The following PLPPR1 variants were observed in gnomAD, a reference collection of about 807,000 sequenced individuals.
The protein encoded by PLPPR1 is phospholipid phosphatase related 1, also known as phospholipid phosphatase-related protein type 1.
A neutral mutation model predicts 33.1 loss-of-function variants in PLPPR1; 10 were observed. The ratio of observed to expected loss-of-function variants is 0.30; its 90% CI spans 0.19 to 0.51. The LOEUF (loss-of-function observed/expected upper bound fraction) is 0.51. PLPPR1 is among the 20% of genes least tolerant of loss of function. The pLI is 0.97. For missense variants in PLPPR1, 304 were observed against 408.1 expected (o/e 0.74, Z 2.20); for synonymous variants, 151 against 151.0 (o/e 1.00, Z 0.00).
At chr9:101,310,010 A>C (rs1267089175) in intron 5 of PLPPR1, among the ~76,000 whole-genome samples, 1 of 152,098 alleles carries the variant, frequency 6.6e-6, no homozygotes, top group Non-Finnish European at 1.5e-5. Flanking sequence ...GAAAAACCTC[A>C]ACACCCCAGA....
intron 2 of PLPPR1, among the ~76,000 whole-genome samples, chr9:101,192,303 A>G (rs974824628): frequency 6.6e-6 from 1 of 152,192 alleles, no homozygotes; most frequent in Non-Finnish European, 1.5e-5. Context: ...TTTTTCTCTA[A>G]AGAAGCAAAA....
chr9:101,283,537 A>T lies in PLPPR1; in HGVS notation c.253-2567A>T, dbSNP rs571523376. On this transcript the variant is annotated intron_variant, in intron 3 of 7. Coordinates refer to ENST00000374874, the MANE Select transcript of PLPPR1 (RefSeq NM_207299.2). Reference sequence around the variant, plus strand: ...AAAATGGATTAAATACTTAATTGTAATACCTAAAGCAATGAGGTCTTACAT... The same window carrying T: ...AAAATGGATTAAATACTTAATTGTATTACCTAAAGCAATGAGGTCTTACAT... Among the ~76,000 whole-genome samples, 49 of 152,364 alleles carry T rather than the reference A, an allele frequency of 3.2e-4. 1 individual carries two copies. The Middle Eastern group carries it at 0.01, about 32-fold the overall frequency.
intron 1 of PLPPR1, among the ~76,000 whole-genome samples, chr9:101,091,599 A>G (rs1008031359): frequency 6.6e-6 from 1 of 152,168 alleles, no homozygotes; most frequent in African/African-American, 2.4e-5. Context: ...CATTGGGCCT[A>G]CCATGATAAT....
In PLPPR1 at chr9:101,324,302, C is replaced by T. The variant is rs7036576; in HGVS notation, c.*245C>T. The T allele has an allele frequency of 2.3e-5, 9 of 391,196 alleles. No homozygotes were observed. The highest frequency in any genetic ancestry group is 1.3e-4 in the African/African-American group (6 of 47,462). The allele number at this position is 391,196 out of a possible 1,614,324, so 24.2% of individuals were successfully genotyped here. ...AACCAACAAAATTTTCTTGTTCAAG[C>T]GTGCATTGAAGAACCACATTTATTC... On this transcript the variant is annotated 3_prime_UTR_variant, in exon 8 of 8. Coordinates refer to ENST00000374874, the MANE Select transcript of PLPPR1 (RefSeq NM_207299.2).
chr9:101,032,287 G>A (rs76072227), intron 1 of PLPPR1, among the ~76,000 whole-genome samples: 1 of 152,294 alleles, frequency 6.6e-6, no homozygotes, highest in African/African-American at 2.4e-5. Context: ...ATTTGCATTA[G>A]AGAATGATGA....
chr9:101,270,191 T>A (rs887349510), intron 3 of PLPPR1, 123 bp downstream of exon 3: 8 of 991,070 alleles, frequency 8.1e-6, no homozygotes, highest in Non-Finnish European at 1.2e-5. Context: ...GGCATCCTAT[T>A]TCAGCCAAAA....
chr9:101,288,603 C>T (rs1302965130), intron 4 of PLPPR1, among the ~76,000 whole-genome samples: 1 of 152,122 alleles, frequency 6.6e-6, no homozygotes, highest in Non-Finnish European at 1.5e-5. Context: ...TCACGCTTTC[C>T]CTCTTTTGTT....
Position 101,291,394 on chromosome 9 carries a change from T to C in PLPPR1, c.385+5158T>C, listed in dbSNP as rs529002015. Among the ~76,000 whole-genome samples, 5 of 152,308 alleles carry C rather than the reference T, an allele frequency of 3.3e-5. No individual in the cohort carries two copies. The East Asian group carries it at 9.7e-4, about 29-fold the overall frequency. On this transcript the variant is annotated intron_variant, in intron 4 of 7. Transcript: ENST00000374874. The stretch of plus-strand genomic sequence containing the variant: ...CAAACAAAAAGACAGCGGTAACCTC[T>C]GCAGACTTAAATGTCCCTGTCTGAC...
At chr9:101,276,467 C>T (rs1274424203) in intron 3 of PLPPR1, among the ~76,000 whole-genome samples, 2 of 152,036 alleles carry the variant, frequency 1.3e-5, no homozygotes, top group Admixed American at 1.3e-4. Flanking sequence ...TCAATATACC[C>T]CTCCTAATAA....
chr9:101,167,186 T>TG (rs1825872610), intron 1 of PLPPR1, among the ~76,000 whole-genome samples: 5 of 23,182 alleles, frequency 2.2e-4, no homozygotes, highest in Admixed American at 3.9e-4. Flanking sequence ...GTGTGTGTCT[T>TG]TCTCTCTCTC....
intron 2 of PLPPR1, among the ~76,000 whole-genome samples, chr9:101,254,394 C>T (rs56353468): frequency 6.6e-6 from 1 of 152,042 alleles, no homozygotes. Flanking sequence ...CTCATGTCAC[C>T]GCTGATTTGA....
At chr9:101,136,423 T>C (rs565075902) in intron 1 of PLPPR1, among the ~76,000 whole-genome samples, 4 of 152,342 alleles carry the variant, frequency 2.6e-5, no homozygotes, top group Admixed American at 1.3e-4. Flanking sequence ...AGATTCTCTT[T>C]TGCTGATCCT....
chr9:101,295,397 A>G (rs573466417), intron 4 of PLPPR1, among the ~76,000 whole-genome samples: 4,176 of 151,908 alleles, frequency 0.027, 180 homozygotes, highest in African/African-American at 0.096. Flanking sequence ...TATAGATTCA[A>G]TGCCATCTCC....
chr9:101,277,532 C>T (rs963002897), intron 3 of PLPPR1, among the ~76,000 whole-genome samples: 63 of 152,278 alleles, frequency 4.1e-4, no homozygotes, highest in African/African-American at 1.3e-3. Flanking sequence ...GACTGAACTG[C>T]GATTGAAGCC....
At chr9:101,076,275 G>A (rs1367855753) in intron 1 of PLPPR1, among the ~76,000 whole-genome samples, 1 of 152,012 alleles carries the variant, frequency 6.6e-6, no homozygotes, top group African/African-American at 2.4e-5. Context: ...GCCATGATAA[G>A]GAATTTGAGT....
intron 7 of PLPPR1, 118 bp downstream of exon 7, chr9:101,317,614 T>A: frequency 9.7e-7 from 1 of 1,035,254 alleles, no homozygotes; most frequent in Non-Finnish European, 1.4e-6. Context: ...ATTAATTTAT[T>A]GTAAAGGCCC....
intron 1 of PLPPR1, among the ~76,000 whole-genome samples, chr9:101,148,369 T>C (rs1831545903): frequency 6.6e-6 from 1 of 151,996 alleles, no homozygotes; most frequent in Non-Finnish European, 1.5e-5. Flanking sequence ...TCTTAAAGAG[T>C]AAGAAAATTG....
intron 1 of PLPPR1, among the ~76,000 whole-genome samples, chr9:101,177,355 C>T (rs191152227): frequency 6.6e-6 from 1 of 152,038 alleles, no homozygotes; most frequent in Admixed American, 6.6e-5. Context: ...GTATTGTATT[C>T]TTTTTCAATG....
intron 1 of PLPPR1, among the ~76,000 whole-genome samples, chr9:101,061,165 A>G (rs909544069): frequency 1.1e-4 from 16 of 151,890 alleles, no homozygotes; most frequent in African/African-American, 3.9e-4. Context: ...AAGCAGCATT[A>G]CTCTGTAGTC....
Sources: gnomAD v4.1 joint callset for allele counts (sites outside exome capture counted in the v4.1 genomes callset) on GRCh38, gnomAD v4.1.1 for gene constraint, MANE v1.5 for transcripts, NCBI Gene and HGNC (gene_info 2026-07-23, HGNC 2026-07-21) for gene names.